The following CRIPT variants were observed in gnomAD, a reference collection of about 807,000 sequenced individuals.
CRIPT encodes cysteine-rich PDZ-binding protein.
Under a neutral mutation model 16.6 loss-of-function variants are expected in CRIPT, and 20 were observed. The observed-to-expected ratio is 1.20, with a 90% CI of 0.85 to 1.75. The LOEUF is 1.75. Among genes scored for constraint, CRIPT ranks in the 40% most tolerant of loss-of-function variants. The pLI, the probability that CRIPT is intolerant of heterozygous loss-of-function variation, is 0.00. For synonymous variants in CRIPT, 42 were observed against 37.0 expected (o/e 1.14, Z -0.49); for missense variants, 133 against 115.3 (o/e 1.15, Z -0.70).
intron 3 of CRIPT, among the ~76,000 whole-genome samples, chr2:46,621,024 A>C (rs1306859827): frequency 1.3e-5 from 2 of 152,092 alleles, no homozygotes; most frequent in African/African-American, 4.8e-5. Context: ...GCTTCTGTAC[A>C]TCTCACTGCT....
At position 46,619,675 on chromosome 2, in the gene CRIPT, A is replaced by G. The variant is rs1287795118; in HGVS notation, c.131A>G (p.Lys44Arg). The change falls in exon 3 of 5, where the codon AAA becomes AGA. Residue 44 changes from lysine (K) to arginine (R), a missense_variant. Lys to Arg is a conservative substitution (Grantham distance 26). Transcript: ENST00000238892. ...GAAAATAAAGCTTTGACTTCAAAAA[A>G]AGCAAGGTGGGTAAGAGGATCCATC... ...LNENKALTSKKARFDPYGKNK... is the reference protein window; with the variant it reads ...LNENKALTSKRARFDPYGKNK... The G allele has an allele frequency of 6.2e-7, 1 of 1,611,712 alleles. No individual in the cohort carries two copies. Among genetic ancestry groups the G allele is most frequent in the South Asian group, 1.1e-5 (1 of 90,698 alleles).
Position 46,629,771 on chromosome 2 carries a change from C to T in CRIPT, c.*5544C>T, listed in dbSNP as rs879559082. Among the ~76,000 whole-genome samples, 3 of 152,074 alleles carry T rather than the reference C, an allele frequency of 2.0e-5. No individual in the cohort carries two copies. Among genetic ancestry groups the T allele is most frequent in the East Asian group, 3.8e-4 (2 of 5,198 alleles). On this transcript the variant is annotated 3_prime_UTR_variant, in exon 5 of 5. Coordinates refer to ENST00000238892, the MANE Select transcript of CRIPT (RefSeq NM_014171.6). ...AAGATGTCCAGTTTCTCCAGTGTAT[C>T]GTTATTGTTTTTCCTTTTGCAATTA... is the stretch of plus-strand genomic sequence containing the variant.
Position 46,617,238 on chromosome 2 carries a change from C to T in CRIPT, c.-45C>T, listed in dbSNP as rs1165629190. On this transcript the variant is annotated 5_prime_UTR_variant, in exon 1 of 5. Coordinates refer to ENST00000238892, the MANE Select transcript of CRIPT (RefSeq NM_014171.6). ...TTGTAGTGTTGTTGTTTTCAGCCTGCTGCTGCTGCTGCTGTTGCGGCTAGG... is the reference window on the plus strand; with the variant it reads ...TTGTAGTGTTGTTGTTTTCAGCCTGTTGCTGCTGCTGCTGTTGCGGCTAGG... The T allele has an allele frequency of 1.3e-6, 2 of 1,550,572 alleles. No homozygotes were observed. The highest frequency in any genetic ancestry group is 1.7e-6 in the Non-Finnish European group (2 of 1,145,950).
rs1448753902 is a variant in CRIPT, at chr2:46,627,949, T to C, written c.*3722T>C. ...TGTAGCTTTATTTCTGTCTGTTCCA[T>C]TCCATTGGTCTATGGGTCTGTTTTT... On this transcript the variant is annotated 3_prime_UTR_variant, in exon 5 of 5. Coordinates refer to ENST00000238892, the MANE Select transcript of CRIPT (RefSeq NM_014171.6). 6.6e-6 allele frequency among the ~76,000 whole-genome samples: 1 copy of C among 152,152 alleles called. No individual in the cohort carries two copies. The highest frequency in any genetic ancestry group is 1.5e-5 in the Non-Finnish European group (1 of 68,016).
chr2:46,621,939 A>G (rs181974628), intron 3 of CRIPT, among the ~76,000 whole-genome samples: 1 of 152,296 alleles, frequency 6.6e-6, no homozygotes, highest in African/African-American at 2.4e-5. Context: ...ACTTACTCTG[A>G]TATCATTAAA....
At chr2:46,618,186 T>C (rs1346188702) in intron 1 of CRIPT, among the ~76,000 whole-genome samples, 1 of 151,932 alleles carries the variant, frequency 6.6e-6, no homozygotes. Flanking sequence ...AGCTGTCGAT[T>C]ATTATACTTT....
chr2:46,622,106 A>G (rs945010652), intron 3 of CRIPT, among the ~76,000 whole-genome samples: 1 of 152,200 alleles, frequency 6.6e-6, no homozygotes, highest in East Asian at 1.9e-4. Flanking sequence ...GCGGTGGCTC[A>G]CGCCTGTAAT....
intron 3 of CRIPT, among the ~76,000 whole-genome samples, chr2:46,621,301 A>T (rs1246542374): frequency 6.6e-6 from 1 of 152,044 alleles, no homozygotes; most frequent in South Asian, 2.1e-4. Flanking sequence ...CTCATTCATC[A>T]TATGCTGTCT....
chr2:46,619,807 A>C, intron 3 of CRIPT, 126 bp downstream of exon 3: 1 of 642,568 alleles, frequency 1.6e-6, no homozygotes, highest in Non-Finnish European at 2.7e-6. Flanking sequence ...CCTAGCACTC[A>C]GAACCAAGCT....
chr2:46,623,941 A>T, intron 4 of CRIPT, 74 bp downstream of exon 4: 1 of 1,060,586 alleles, frequency 9.4e-7, no homozygotes, highest in Non-Finnish European at 1.4e-6. Context: ...AACAGAAAAG[A>T]TGTAGCCTGT....
intron 3 of CRIPT, among the ~76,000 whole-genome samples, chr2:46,621,323 G>A (rs1158638891): frequency 6.6e-6 from 1 of 152,012 alleles, no homozygotes; most frequent in Non-Finnish European, 1.5e-5. Flanking sequence ...TATTAGTTCT[G>A]CCAAGCCCAC....
At chr2:46,619,822 G>A (rs1670760153) in intron 3 of CRIPT, 141 bp downstream of exon 3, 1 of 575,322 alleles carries the variant, frequency 1.7e-6, no homozygotes, top group South Asian at 2.6e-5. Flanking sequence ...CAAGCTATCT[G>A]TTATAATCCT....
Position 46,627,077 on chromosome 2 carries a change from C to A in CRIPT, c.*2850C>A, listed in dbSNP as rs1269513318. Among the ~76,000 whole-genome samples, 2 of 152,210 alleles carry A rather than the reference C, an allele frequency of 1.3e-5. No homozygotes were observed. Among genetic ancestry groups the A allele is most frequent in the East Asian group, 3.8e-4 (2 of 5,196 alleles). The stretch of plus-strand genomic sequence containing the variant: ...CGAATTCCTGACCTCAGGTGATCCA[C>A]CCATCTCAGCCTCCCAAAGTGCTGG... On this transcript the variant is annotated 3_prime_UTR_variant, in exon 5 of 5. Transcript: ENST00000238892.
rs1473194390 is a variant in CRIPT at position 46,625,955 on chromosome 2, C to T, written c.*1728C>T. On this transcript the variant is annotated 3_prime_UTR_variant, in exon 5 of 5. Transcript: ENST00000238892. ...GTTGTTGTTGTTTTTATAATTTCAACTTTTATTTTAGATGTAGGGGTACAT... is the reference window on the plus strand; with the variant it reads ...GTTGTTGTTGTTTTTATAATTTCAATTTTTATTTTAGATGTAGGGGTACAT... Among the ~76,000 whole-genome samples, 2 of 152,014 alleles carry T rather than the reference C, an allele frequency of 1.3e-5. No homozygotes were observed. The highest frequency in any genetic ancestry group is 1.3e-4 in the Admixed American group (2 of 15,256).
chr2:46,623,741 C>G (rs1670867315), intron 3 of CRIPT, 23 bp from the exon 4 acceptor site: 1 of 1,392,236 alleles, frequency 7.2e-7, no homozygotes, highest in Non-Finnish European at 1.0e-6. Flanking sequence ...ATACAATTTT[C>G]TCTCTTTAAA....
rs1028501119 is a variant in CRIPT, at chr2:46,627,828, C to G, written c.*3601C>G. On this transcript the variant is annotated 3_prime_UTR_variant, in exon 5 of 5. Coordinates refer to ENST00000238892, the MANE Select transcript of CRIPT (RefSeq NM_014171.6). Reference sequence around the variant, plus strand: ...TCCAGTTTGAGTCTTCTGCATATGGCTAGACAGCTGTTCCAGCACCATTTA... The same window carrying G: ...TCCAGTTTGAGTCTTCTGCATATGGGTAGACAGCTGTTCCAGCACCATTTA... Among the ~76,000 whole-genome samples the G allele has an allele frequency of 1.8e-4, 27 of 152,282 alleles. No individual in the cohort carries two copies. Among genetic ancestry groups the G allele is most frequent in the African/African-American group, 6.5e-4 (27 of 41,574 alleles).
In CRIPT at chr2:46,618,687, C is replaced by A. The variant is rs1029200254; in HGVS notation, c.17-86C>A. The A allele has an allele frequency of 4.3e-5, 34 of 787,992 alleles. No homozygotes were observed. In the African/African-American group the frequency reaches 5.3e-4, roughly 12 times the overall value. The allele number at this position is 787,992 out of a possible 1,614,324, so 48.8% of individuals were successfully genotyped here. On this transcript the variant is annotated intron_variant, in intron 1 of 4. Transcript: ENST00000238892. ...CTCCTACGGTAATACCATTGATAGT[C>A]GATACCATTGTGAACCTTAGGCACA...
chr2:46,618,428 GTCTGATTCA>G (rs1670720881), intron 1 of CRIPT, among the ~76,000 whole-genome samples: 1 of 152,116 alleles, frequency 6.6e-6, no homozygotes, highest in Admixed American at 6.5e-5. Context: ...TTAAAATTGT[GTCTGATTCA>G]TCACTTCATT....
chr2:46,620,206 T>A (rs1670766297), intron 3 of CRIPT, among the ~76,000 whole-genome samples: 1 of 152,166 alleles, frequency 6.6e-6, no homozygotes, highest in South Asian at 2.1e-4. Flanking sequence ...CCTAGCACTT[T>A]GGGAAGCCAA....
Sources: allele counts gnomAD v4.1 joint callset (sites outside exome capture counted in the v4.1 genomes callset), GRCh38; gene constraint gnomAD v4.1.1; transcripts MANE v1.5; gene names NCBI Gene and HGNC (gene_info 2026-07-23, HGNC 2026-07-21).